SGK3: variants seen among roughly 807,000 people sequenced by gnomAD.
SGK3 encodes the protein serine/threonine-protein kinase Sgk3.
Under a neutral mutation model 68.5 loss-of-function variants are expected in SGK3, and 47 were observed. That is an observed-to-expected ratio of 0.69 (90% CI 0.54 to 0.87). The LOEUF (loss-of-function observed/expected upper bound fraction) is 0.87. Ranked by LOEUF, SGK3 falls within the 40% of genes least tolerant of loss-of-function variation. SGK3 has a pLI of 0.00. For synonymous variants in SGK3, 181 were observed against 189.1 expected (o/e 0.96, Z 0.35); for missense variants, 479 against 575.5 (o/e 0.83, Z 1.72).
At chr8:66,765,589 C>A (rs569938433) in intron 1 of SGK3, among the ~76,000 whole-genome samples, 2 of 152,010 alleles carry the variant, frequency 1.3e-5, no homozygotes, top group East Asian at 1.9e-4. Context: ...ATGGGCAATA[C>A]CTTCTAAGTC....
At chr8:66,847,148 T>A in intron 14 of SGK3, 45 bp from the exon 15 acceptor site, 1 of 1,577,998 alleles carries the variant, frequency 6.3e-7, no homozygotes, top group Non-Finnish European at 8.6e-7. Context: ...CATTTGCGCA[T>A]AATTTGTTTA....
chr8:66,855,170 AG>A (rs1478568249), intron 16 of SGK3, among the ~76,000 whole-genome samples: 1 of 152,194 alleles, frequency 6.6e-6, no homozygotes, highest in Non-Finnish European at 1.5e-5. Flanking sequence ...AAAAGTTGGT[AG>A]ATTTGACTAC....
chr8:66,759,327 C>T (rs929534169), intron 1 of SGK3, among the ~76,000 whole-genome samples: 1 of 151,892 alleles, frequency 6.6e-6, no homozygotes, highest in African/African-American at 2.4e-5. Context: ...TCACGCGATC[C>T]GCCCACCTCG....
Position 66,804,464 on chromosome 8 carries a change from T to G in SGK3, c.253+17T>G. 1 of 1,610,376 alleles carries G rather than the reference T, an allele frequency of 6.2e-7. No homozygotes were observed. The highest frequency in any genetic ancestry group is 8.5e-7 in the Non-Finnish European group (1 of 1,178,140). On this transcript the variant is annotated intron_variant, in intron 4 of 16. Coordinates refer to ENST00000521198, the MANE Select transcript of SGK3 (RefSeq NM_001033578.3). ...TTGATCCAGGTAAGAAACAACTTCA[T>G]AGGCCAGCTATGAAGTGATTGTTGA...
intron 4 of SGK3, among the ~76,000 whole-genome samples, chr8:66,804,777 C>T (rs766610382): frequency 6.6e-6 from 1 of 152,212 alleles, no homozygotes; most frequent in African/African-American, 2.4e-5. Flanking sequence ...TTCAAGCAGT[C>T]TGACTTCTAT....
intron 1 of SGK3, among the ~76,000 whole-genome samples, chr8:66,749,242 G>A (rs777558925): frequency 2.0e-5 from 3 of 152,030 alleles, no homozygotes; most frequent in East Asian, 1.9e-4. Flanking sequence ...GGCTGGGTGC[G>A]GTGGCTCACA....
intron 1 of SGK3, among the ~76,000 whole-genome samples, chr8:66,733,729 A>AG (rs1805234139): frequency 6.8e-6 from 1 of 146,348 alleles, no homozygotes; most frequent in Admixed American, 6.7e-5. Flanking sequence ...AAACTCATGT[A>AG]GAAAAAAACT....
At chr8:66,750,450 T>A (rs903700606) in intron 1 of SGK3, among the ~76,000 whole-genome samples, 7 of 151,758 alleles carry the variant, frequency 4.6e-5, no homozygotes, top group Non-Finnish European at 1.5e-5. Context: ...GAATGTAGAG[T>A]TTAGTGGGAT....
chr8:66,830,970 A>G (rs963258583), intron 7 of SGK3, among the ~76,000 whole-genome samples: 5 of 152,228 alleles, frequency 3.3e-5, no homozygotes, highest in African/African-American at 1.2e-4. Context: ...TAGGATATGC[A>G]TATATCCTTT....
Position 66,723,118 on chromosome 8 carries a change from TATATATATATA to T in SGK3, c.-122+10286_-122+10296del, listed in dbSNP as rs1189411485. 8.1e-4 allele frequency among the ~76,000 whole-genome samples: 43 copies of T among 53,350 alleles called. 1 individual carries two copies. The highest frequency in any genetic ancestry group is 2.4e-3 in the South Asian group (4 of 1,662). 35.0% of individuals were successfully genotyped at this position (53,350 alleles called of 152,430 possible). A position where few individuals can be genotyped will look rare whatever the true frequency, so the allele number is the denominator to read the frequency against. On this transcript the variant is annotated intron_variant, in intron 1 of 16. Transcript: ENST00000521198. ...ATATATATATATATATATATATATA[TATATATATATA>T]TATTTTTTTTTTTTTTTTTTTTTGT... is the stretch of plus-strand genomic sequence containing the variant.
intron 1 of SGK3, among the ~76,000 whole-genome samples, chr8:66,715,848 G>A (rs1804617303): frequency 6.6e-6 from 1 of 152,114 alleles, no homozygotes; most frequent in Non-Finnish European, 1.5e-5. Flanking sequence ...GGAGATATGA[G>A]AGATGGGATG....
chr8:66,738,868 G>C (rs1805400922), intron 1 of SGK3, among the ~76,000 whole-genome samples: 1 of 152,240 alleles, frequency 6.6e-6, no homozygotes, highest in East Asian at 1.9e-4. Flanking sequence ...CTGGCCTCGT[G>C]ATCTGCCTGC....
intron 1 of SGK3, among the ~76,000 whole-genome samples, chr8:66,729,065 A>G (rs1389362100): frequency 6.6e-6 from 1 of 151,740 alleles, no homozygotes; most frequent in Non-Finnish European, 1.5e-5. Flanking sequence ...TAAAAATACA[A>G]AAAATTAGCT....
chr8:66,840,390 G>A (rs966493783), intron 12 of SGK3, 143 bp downstream of exon 12: 3 of 857,844 alleles, frequency 3.5e-6, no homozygotes, highest in African/African-American at 3.4e-5. Flanking sequence ...TAGGGATGGA[G>A]AACAGATTAG....
intron 1 of SGK3, among the ~76,000 whole-genome samples, chr8:66,724,951 G>A (rs750349431): frequency 6.6e-6 from 1 of 152,296 alleles, no homozygotes; most frequent in African/African-American, 2.4e-5. Context: ...AATTGGCTGG[G>A]CACGGTGGCT....
At chr8:66,821,451 C>T (rs189159173) in intron 5 of SGK3, among the ~76,000 whole-genome samples, 28 of 152,130 alleles carry the variant, frequency 1.8e-4, no homozygotes, top group African/African-American at 6.7e-4. Flanking sequence ...TTGCTTCTAA[C>T]TTACTGTTAC....
intron 1 of SGK3, among the ~76,000 whole-genome samples, chr8:66,752,020 C>T (rs1264106723): frequency 2.6e-5 from 4 of 152,130 alleles, no homozygotes; most frequent in Admixed American, 1.3e-4. Flanking sequence ...CCACCTCGGC[C>T]TCCCAAAGTG....
chr8:66,729,262 C>A (rs1010007653), intron 1 of SGK3, among the ~76,000 whole-genome samples: 1 of 151,074 alleles, frequency 6.6e-6, no homozygotes, highest in South Asian at 2.1e-4. Flanking sequence ...CGAGACCATC[C>A]TGGCTAACAC....
chr8:66,734,581 T>C (rs184829463), intron 1 of SGK3, among the ~76,000 whole-genome samples: 1 of 152,170 alleles, frequency 6.6e-6, no homozygotes, highest in Non-Finnish European at 1.5e-5. Flanking sequence ...ATCATAATTC[T>C]ATACACAGTA....
Sources: allele counts gnomAD v4.1 joint callset (sites outside exome capture counted in the v4.1 genomes callset), GRCh38; gene constraint gnomAD v4.1.1; transcripts MANE v1.5; gene names NCBI Gene and HGNC (gene_info 2026-07-23, HGNC 2026-07-21).